The following BEND2 variants were observed in gnomAD, a reference collection of about 807,000 sequenced individuals.
BEND2 encodes BEN domain containing 2.
In BEND2, 19 loss-of-function variants were observed where a neutral mutation model predicts 43.8. That is an observed-to-expected ratio of 0.43 (90% CI 0.30 to 0.64). The LOEUF is 0.64. BEND2 is among the 30% of genes least tolerant of loss of function. BEND2 has a pLI of 0.11. For synonymous variants in BEND2, 226 were observed against 210.1 expected, an observed-to-expected ratio of 1.08 and a Z score of -0.66; for missense variants, 544 against 574.0, an observed-to-expected ratio of 0.95 and a Z score of 0.53.
At chrX:18,183,789 C>T (rs770256548) in intron 8 of BEND2, among the ~76,000 whole-genome samples, 5 of 111,850 alleles carry the variant, frequency 4.5e-5, no homozygotes, top group African/African-American at 9.7e-5. Flanking sequence ...CTTGTAGAAA[C>T]GGGAGGGAAG....
At chrX:18,209,293 G>A (rs1925435851) in intron 4 of BEND2, among the ~76,000 whole-genome samples, 1 of 111,246 alleles carries the variant, frequency 9.0e-6, no homozygotes, top group African/African-American at 3.3e-5. Flanking sequence ...ATCAACATAA[G>A]GCACACACCA....
At chrX:18,196,301 G>GAA (rs1203100598) in intron 6 of BEND2, among the ~76,000 whole-genome samples, 1 of 83,744 alleles carries the variant, frequency 1.2e-5, no homozygotes, top group Admixed American at 1.4e-4. Context: ...TGTCTCAATT[G>GAA]AAAAAAAAAA....
intron 6 of BEND2, among the ~76,000 whole-genome samples, chrX:18,196,434 C>T (rs1924955242): frequency 9.0e-6 from 1 of 110,878 alleles, no homozygotes; most frequent in Non-Finnish European, 1.9e-5. Flanking sequence ...CATGCTAGTA[C>T]CATAAGACCC....
At chrX:18,211,511 G>A (rs1241833132) in intron 4 of BEND2, among the ~76,000 whole-genome samples, 2 of 112,189 alleles carry the variant, frequency 1.8e-5, no homozygotes, top group African/African-American at 6.5e-5. Flanking sequence ...GGCCGGATGC[G>A]GTGGCTCACG....
chrX:18,195,714 CA>C (rs1164117980), intron 6 of BEND2, among the ~76,000 whole-genome samples: 1 of 109,426 alleles, frequency 9.1e-6, no homozygotes, highest in African/African-American at 3.3e-5. Flanking sequence ...CCCACCTCTA[CA>C]AAAAAATTTA....
chrX:18,203,617 C>T lies in BEND2; in HGVS notation c.791G>A (p.Arg264Gln), dbSNP rs374044388. ...GTTATTTGCCAGACTGGATTCTCTT[C>T]GTGACAGAACTGCCATAGGTACTGC... ...TTAVPMAVLS[R>Q]RESSLANNPG... is the part of the protein sequence containing the mutation. Residue 264 changes from arginine (R) to glutamine (Q), a missense_variant, in exon 5 of 14, where the codon CGA becomes CAA. By Grantham distance (43) the Arg-to-Gln change is conservative (BLOSUM62 1). This residue lies in a region of BEND2 where 501 missense variants were observed against 501.6 expected (regional missense o/e 1.00). Transcript: ENST00000380033. 44 of 1,209,260 alleles carry T rather than the reference C, an allele frequency of 3.6e-5. No homozygotes were observed. In the African/African-American group the frequency reaches 6.7e-4, roughly 18 times the overall value.
In BEND2 at chrX:18,216,567, A is replaced by G; in HGVS notation, c.192T>C (p.Phe64=). The change falls in exon 2 of 14, where the codon TTT becomes TTC. Residue 64 remains phenylalanine (F), a synonymous_variant. Coordinates refer to ENST00000380033, the MANE Select transcript of BEND2 (RefSeq NM_153346.5). The stretch of plus-strand genomic sequence containing the variant: ...GGTGATGGCCATCATTGCCGCCTGG[A>G]AAATTTGGTTGTGTGGCTGTGTCAT... The part of the protein sequence containing the change: ...PTDDTATQPN[F]PGGNDGHHRP... 8.3e-7 allele frequency: 1 copy of G among 1,209,033 alleles called. No individual in the cohort carries two copies. The highest frequency in any genetic ancestry group is 1.1e-6 in the Non-Finnish European group (1 of 893,113).
In BEND2 at chrX:18,174,059, T is replaced by C; in HGVS notation, c.1952A>G (p.Asp651Gly). The C allele has an allele frequency of 2.5e-6, 3 of 1,209,707 alleles. No individual in the cohort carries two copies. The highest frequency in any genetic ancestry group is 3.4e-6 in the Non-Finnish European group (3 of 893,975). The change falls in exon 12 of 14, where the codon GAT becomes GGT. Residue 651 changes from aspartate (D) to glycine (G), a missense_variant. Asp to Gly is a moderately conservative substitution (Grantham distance 94). Coordinates refer to ENST00000380033, the MANE Select transcript of BEND2 (RefSeq NM_153346.5). ...IPEGMREPST[D>G]NPEEPGEAWS... ...TGCTTCACCAGGTTCCTCTGGATTATCAGTGGAAGGTTCTCGCATTCCTTC... is the reference window on the plus strand; with the variant it reads ...TGCTTCACCAGGTTCCTCTGGATTACCAGTGGAAGGTTCTCGCATTCCTTC...
intron 8 of BEND2, among the ~76,000 whole-genome samples, chrX:18,187,622 C>T (rs1342097712): frequency 1.8e-5 from 2 of 111,994 alleles, no homozygotes; most frequent in Admixed American, 9.5e-5. Flanking sequence ...CAGATTTAAT[C>T]TGTACTATAG....
chrX:18,201,973 C>A, intron 5 of BEND2, 33 bp from the exon 6 acceptor site: 1 of 1,174,791 alleles, frequency 8.5e-7, no homozygotes, highest in Admixed American at 2.3e-5. Context: ...AGCTGTAATA[C>A]AAGAACTTCA....
chrX:18,177,121 C>A (rs924944146), intron 10 of BEND2, among the ~76,000 whole-genome samples: 4 of 110,473 alleles, frequency 3.6e-5, no homozygotes, highest in Non-Finnish European at 7.6e-5. Flanking sequence ...ATAGACATGT[C>A]TGGAAGGCAG....
intron 8 of BEND2, among the ~76,000 whole-genome samples, chrX:18,183,691 C>A (rs938540314): frequency 8.9e-6 from 1 of 111,915 alleles, no homozygotes; most frequent in Non-Finnish European, 1.9e-5. Context: ...TGGCAGCATT[C>A]ACCGTAAGCT....
At chrX:18,216,824 TA>T in intron 1 of BEND2, 91 bp from the exon 2 acceptor site, 1 of 696,401 alleles carries the variant, frequency 1.4e-6, no homozygotes, top group Non-Finnish European at 2.1e-6. Flanking sequence ...ATAGATTGTT[TA>T]AAAAACATAT....
At chrX:18,194,857 T>C (rs779755680) in intron 7 of BEND2, among the ~76,000 whole-genome samples, 1 of 110,214 alleles carries the variant, frequency 9.1e-6, no homozygotes, top group African/African-American at 3.3e-5. Context: ...CTGAGAGAGT[T>C]GGTGTGGTTA....
chrX:18,210,717 T>A (rs1925476956), intron 4 of BEND2, among the ~76,000 whole-genome samples: 1 of 112,330 alleles, frequency 8.9e-6, no homozygotes, highest in Admixed American at 9.5e-5. Flanking sequence ...CACTTAACCA[T>A]CTATTTTTCT....
intron 6 of BEND2, among the ~76,000 whole-genome samples, chrX:18,197,818 G>A (rs956650850): frequency 7.2e-5 from 8 of 111,602 alleles, no homozygotes; most frequent in Non-Finnish European, 1.3e-4. Context: ...ATTCCCGCAT[G>A]TTGTGGGAGG....
rs757698817 is a variant in BEND2, at chrX:18,212,728, T to A, written c.377-48A>T. ...GTTATTTCATACACTACTCTCTTAA[T>A]AACCTTAATACGGATATGCTCTCAG... is the stretch of plus-strand genomic sequence containing the variant. On this transcript the variant is annotated intron_variant, in intron 3 of 13. Transcript: ENST00000380033. 3.6e-6 allele frequency: 3 copies of A among 828,422 alleles called. No individual in the cohort carries two copies. The East Asian group carries it at 9.5e-5, about 26-fold the overall frequency. 68.3% of individuals were successfully genotyped at this position (828,422 alleles called of 1,213,427 possible). A position where few individuals can be genotyped will look rare whatever the true frequency, so the allele number is the denominator to read the frequency against.
chrX:18,208,149 G>A (rs767777349), intron 4 of BEND2, among the ~76,000 whole-genome samples: 1 of 111,167 alleles, frequency 9.0e-6, no homozygotes, highest in South Asian at 3.8e-4. Context: ...CAGAAAGATG[G>A]TTTCTATCAT....
chrX:18,210,942 A>G (rs1252420385), intron 4 of BEND2, among the ~76,000 whole-genome samples: 1 of 112,098 alleles, frequency 8.9e-6, no homozygotes, highest in Non-Finnish European at 1.9e-5. Context: ...TTAGCCCAGC[A>G]TTACAAACTT....
Sources: gnomAD v4.1 joint callset for allele counts (sites outside exome capture counted in the v4.1 genomes callset) on GRCh38, gnomAD v4.1.1 for gene constraint, gnomAD v4.1.1 regional missense constraint, MANE v1.5 for transcripts, NCBI Gene and HGNC (gene_info 2026-07-23, HGNC 2026-07-21) for gene names.